Variants in FHIP1A observed in about 807,000 individuals in gnomAD.
The protein encoded by FHIP1A is FHF complex subunit HOOK-interacting protein 1A.
FHIP1A carries 61 observed loss-of-function variants against 88.6 expected under a neutral mutation model. The observed-to-expected ratio is 0.69, with a 90% CI of 0.56 to 0.85. FHIP1A has a LOEUF of 0.85. FHIP1A is among the 40% of genes least tolerant of loss of function. The pLI is 0.00. For missense variants in FHIP1A, 1,154 were observed against 1,273.5 expected, an observed-to-expected ratio of 0.91 and a Z score of 1.43; for synonymous variants, 478 against 496.0, an observed-to-expected ratio of 0.96 and a Z score of 0.48.
At chr4:151,538,973 A>G (rs993350411) in intron 3 of FHIP1A, among the ~76,000 whole-genome samples, 10 of 152,008 alleles carry the variant, frequency 6.6e-5, no homozygotes, top group Admixed American at 1.3e-4. Context: ...CTCTTTGTCA[A>G]TTTTCTTGTA....
chr4:151,522,444 A>G (rs1305476452), intron 3 of FHIP1A, among the ~76,000 whole-genome samples: 2 of 152,340 alleles, frequency 1.3e-5, no homozygotes, highest in Admixed American at 1.3e-4. Flanking sequence ...ACAGAACCAA[A>G]TGGACATCCT....
intron 2 of FHIP1A, among the ~76,000 whole-genome samples, chr4:151,479,548 T>C (rs1487253828): frequency 6.6e-6 from 1 of 152,108 alleles, no homozygotes; most frequent in Non-Finnish European, 1.5e-5. Context: ...TTTGAAAACT[T>C]ATTGAATTGT....
chr4:151,613,796 A>G (rs1007971673), intron 7 of FHIP1A, among the ~76,000 whole-genome samples: 1 of 152,142 alleles, frequency 6.6e-6, no homozygotes, highest in Non-Finnish European at 1.5e-5. Flanking sequence ...GAGCATGGGT[A>G]TTTTTAACTA....
intron 3 of FHIP1A, among the ~76,000 whole-genome samples, chr4:151,496,002 T>C (rs1485283755): frequency 6.6e-6 from 1 of 152,050 alleles, no homozygotes; most frequent in African/African-American, 2.4e-5. Context: ...ATGTCTACCG[T>C]TTTGATGATC....
intron 1 of FHIP1A, among the ~76,000 whole-genome samples, chr4:151,433,037 T>G (rs1733654442): frequency 6.6e-6 from 1 of 152,240 alleles, no homozygotes; most frequent in African/African-American, 2.4e-5. Context: ...CAGCTTATTT[T>G]GGGAGTAGTT....
intron 3 of FHIP1A, among the ~76,000 whole-genome samples, chr4:151,528,546 G>A (rs1002227723): frequency 1.3e-5 from 2 of 152,208 alleles, no homozygotes; most frequent in African/African-American, 4.8e-5. Flanking sequence ...GCATAGGATT[G>A]GAGGCCAGGC....
intron 7 of FHIP1A, among the ~76,000 whole-genome samples, chr4:151,623,373 C>G (rs568616292): frequency 6.6e-4 from 101 of 152,170 alleles, no homozygotes; most frequent in African/African-American, 2.3e-3. Context: ...TATAAAATGC[C>G]TGGGAGGGAA....
At chr4:151,551,651 ATCCCT>A (rs1043835596) in intron 3 of FHIP1A, among the ~76,000 whole-genome samples, 26 of 152,336 alleles carry the variant, frequency 1.7e-4, no homozygotes, top group African/African-American at 5.8e-4. Context: ...CTGAAACTGG[ATCCCT>A]TCCTTACACC....
chr4:151,422,010 G>A (rs1459228059), intron 1 of FHIP1A, among the ~76,000 whole-genome samples: 2 of 151,972 alleles, frequency 1.3e-5, no homozygotes, highest in Non-Finnish European at 2.9e-5. Context: ...TTTTAATGAT[G>A]TTCCAGGCCT....
At chr4:151,661,872 C>T (rs1737470508) in intron 13 of FHIP1A, among the ~76,000 whole-genome samples, 1 of 152,192 alleles carries the variant, frequency 6.6e-6, no homozygotes, top group South Asian at 2.1e-4. Flanking sequence ...TCTGGTCTTT[C>T]CAGCACCCAA....
At chr4:151,475,843 A>T (rs957719499) in intron 2 of FHIP1A, among the ~76,000 whole-genome samples, 1 of 151,596 alleles carries the variant, frequency 6.6e-6, no homozygotes, top group Admixed American at 6.6e-5. Context: ...AAGGCATTTG[A>T]TAAAATTCAA....
intron 5 of FHIP1A, among the ~76,000 whole-genome samples, chr4:151,579,022 A>G (rs986108309): frequency 1.3e-5 from 2 of 152,206 alleles, no homozygotes; most frequent in East Asian, 1.9e-4. Context: ...TATGATTCCA[A>G]CTATACGACA....
chr4:151,645,057 G>T (rs536888953), intron 9 of FHIP1A, among the ~76,000 whole-genome samples: 1 of 152,300 alleles, frequency 6.6e-6, no homozygotes, highest in South Asian at 2.1e-4. Context: ...CCAAGAATCA[G>T]AACAGTCTTG....
intron 13 of FHIP1A, among the ~76,000 whole-genome samples, chr4:151,661,101 C>T (rs35969754): frequency 2.0e-5 from 3 of 149,172 alleles, no homozygotes; most frequent in Non-Finnish European, 3.0e-5. Context: ...AGGTCTCGGT[C>T]TGGGAGTAGG....
chr4:151,649,219 G>A (rs975733405), intron 10 of FHIP1A, among the ~76,000 whole-genome samples: 2 of 152,116 alleles, frequency 1.3e-5, no homozygotes, highest in African/African-American at 4.8e-5. Flanking sequence ...GATTTCCATC[G>A]GCTATAGCCA....
At chr4:151,624,910 A>G (rs1735896250) in intron 7 of FHIP1A, among the ~76,000 whole-genome samples, 1 of 152,308 alleles carries the variant, frequency 6.6e-6, no homozygotes, top group South Asian at 2.1e-4. Flanking sequence ...TGGCTGAAAC[A>G]GTAGAGCTGC....
chr4:151,487,482 A>G (rs1033515040), intron 3 of FHIP1A, among the ~76,000 whole-genome samples: 4 of 151,808 alleles, frequency 2.6e-5, no homozygotes, highest in Non-Finnish European at 5.9e-5. Context: ...GTAGCATCCA[A>G]CTCCCACAAC....
intron 2 of FHIP1A, among the ~76,000 whole-genome samples, chr4:151,465,726 A>G (rs938630455): frequency 2.0e-5 from 3 of 152,210 alleles, no homozygotes; most frequent in African/African-American, 7.2e-5. Flanking sequence ...AACAAACACA[A>G]ATCAATAAAA....
At chr4:151,440,182 T>C (rs763279538) in intron 1 of FHIP1A, among the ~76,000 whole-genome samples, 7 of 152,128 alleles carry the variant, frequency 4.6e-5, no homozygotes, top group Admixed American at 6.5e-5. Flanking sequence ...TCACTCACTA[T>C]CATGAGAACA....
Sources: allele counts gnomAD v4.1 joint callset (sites outside exome capture counted in the v4.1 genomes callset), GRCh38; gene constraint gnomAD v4.1.1; transcripts MANE v1.5; gene names NCBI Gene and HGNC (gene_info 2026-07-23, HGNC 2026-07-21).